GLI2: variants seen among roughly 807,000 people sequenced by gnomAD.
The protein encoded by GLI2 is GLI family zinc finger 2.
A neutral mutation model predicts 78.9 loss-of-function variants in GLI2; 22 were observed. That is an observed-to-expected ratio of 0.28 (90% CI 0.20 to 0.40). The LOEUF (loss-of-function observed/expected upper bound fraction) is 0.40, where lower values mean the gene tolerates loss of function less well. Among genes scored for constraint, GLI2 ranks in the 10% least tolerant of loss-of-function variants. GLI2 has a pLI of 1.00. For missense variants in GLI2, 2,097 were observed against 2,213.2 expected, an observed-to-expected ratio of 0.95 and a Z score of 1.05; for synonymous variants, 974 against 963.7, an observed-to-expected ratio of 1.01 and a Z score of -0.20.
At chr2:120,790,552 G>A (rs899820999) in intron 1 of GLI2, among the ~76,000 whole-genome samples, 4 of 151,966 alleles carry the variant, frequency 2.6e-5, no homozygotes, top group African/African-American at 9.7e-5. Context: ...AGGAGCTTGC[G>A]GTTCCCCTCC....
rs999855800 is a variant in GLI2 at position 120,875,981 on chromosome 2, A to G, written c.149-51380A>G. 3.7e-4 allele frequency among the ~76,000 whole-genome samples: 56 copies of G among 152,344 alleles called. 1 individual carries two copies. The highest frequency in any genetic ancestry group is 1.3e-3 in the African/African-American group (54 of 41,582). ...ATCTTAGGGAAAGAATGGACTGTTC[A>G]GTAGGCAGTGCTGAGACAATTGGTT... On this transcript the variant is annotated intron_variant, in intron 2 of 13. Coordinates refer to ENST00000361492, the MANE Select transcript of GLI2 (RefSeq NM_001374353.1).
chr2:120,893,326 G>GC (rs903464444), intron 2 of GLI2, among the ~76,000 whole-genome samples: 1 of 145,658 alleles, frequency 6.9e-6, no homozygotes, highest in Non-Finnish European at 1.5e-5. Context: ...GCCCCTGCCC[G>GC]CCCCCCAGCC....
intron 2 of GLI2, among the ~76,000 whole-genome samples, chr2:120,912,855 G>A (rs1678897556): frequency 6.6e-6 from 1 of 152,256 alleles, no homozygotes; most frequent in South Asian, 2.1e-4. Context: ...CTGTCGACCA[G>A]CTCTGCGCGG....
At chr2:120,840,824 C>G (rs1041033852) in intron 2 of GLI2, among the ~76,000 whole-genome samples, 4 of 152,150 alleles carry the variant, frequency 2.6e-5, no homozygotes, top group South Asian at 4.1e-4. Flanking sequence ...GATCCCCCTT[C>G]TTGTTTCTCC....
intron 2 of GLI2, among the ~76,000 whole-genome samples, chr2:120,898,983 A>G (rs1678112888): frequency 1.3e-5 from 2 of 152,168 alleles, no homozygotes; most frequent in Non-Finnish European, 2.9e-5. Context: ...CTCCAGACAC[A>G]GAAACGAAAG....
chr2:120,809,437 GTGGTGA>G (rs1656586013), intron 2 of GLI2, among the ~76,000 whole-genome samples: 1 of 152,220 alleles, frequency 6.6e-6, no homozygotes, highest in South Asian at 2.1e-4. Flanking sequence ...TAATTAGATA[GTGGTGA>G]TGGTTGCAAC....
At chr2:120,980,356 G>T (rs1314726869) in intron 10 of GLI2, among the ~76,000 whole-genome samples, 1 of 152,092 alleles carries the variant, frequency 6.6e-6, no homozygotes, top group Non-Finnish European at 1.5e-5. Flanking sequence ...ATTTTATTGT[G>T]TTTTTGATTA....
intron 1 of GLI2, among the ~76,000 whole-genome samples, chr2:120,744,663 A>G (rs1682645823): frequency 6.6e-6 from 1 of 152,226 alleles, no homozygotes; most frequent in African/African-American, 2.4e-5. Context: ...TAACTACCAG[A>G]TTCCTTTAGA....
chr2:120,774,969 C>A (rs1485609853), intron 1 of GLI2, among the ~76,000 whole-genome samples: 1 of 152,208 alleles, frequency 6.6e-6, no homozygotes, highest in African/African-American at 2.4e-5. Context: ...CTCATGCCAG[C>A]CTTAAAATCT....
At chr2:120,757,455 C>A (rs1415661847) in intron 1 of GLI2, among the ~76,000 whole-genome samples, 2 of 152,214 alleles carry the variant, frequency 1.3e-5, no homozygotes, top group Non-Finnish European at 2.9e-5. Context: ...GAGTTCTCTA[C>A]CCAAGGCTGT....
rs759815145 is a variant in GLI2 at position 120,955,309 on chromosome 2, A to C, written c.522A>C (p.Ser174=). 2.0e-5 allele frequency: 33 copies of C among 1,612,916 alleles called. No individual in the cohort carries two copies. The East Asian group carries it at 7.1e-4, about 35-fold the overall frequency. Residue 174 remains serine, a synonymous_variant, in exon 5 of 14, where the codon TCA becomes TCC. Transcript: ENST00000361492. The stretch of plus-strand genomic sequence containing the variant: ...TTCCTGCTCCAGGCACCACCCCCTC[A>C]GACTATTACCACCAGATGACCCTCG... The part of the protein sequence containing the change: ...FGLPAPGTTP[S]DYYHQMTLVA...
In GLI2 at chr2:120,968,808, G is replaced by A. The variant is rs764916572; in HGVS notation, c.738G>A (p.Gln246=). 1.4e-5 allele frequency: 23 copies of A among 1,613,706 alleles called. No homozygotes were observed. In the South Asian group the frequency reaches 2.5e-4, roughly 18 times the overall value. Reference sequence around the variant, plus strand: ...TCTCAGACGCCAGCCTGGACCTGCAGCGGATGATCCGCACCTCACCCAACT... The same window carrying A: ...TCTCAGACGCCAGCCTGGACCTGCAACGGATGATCCGCACCTCACCCAACT... ...SPLSDASLDL[Q]RMIRTSPNSL... The change falls in exon 6 of 14, where the codon CAG becomes CAA. Residue 246 remains glutamine (Q), a synonymous_variant. Transcript: ENST00000361492.
At chr2:120,833,204 A>T (rs761151771) in intron 2 of GLI2, among the ~76,000 whole-genome samples, 1 of 151,336 alleles carries the variant, frequency 6.6e-6, no homozygotes, top group Non-Finnish European at 1.5e-5. Flanking sequence ...GCTTGTGCCT[A>T]AGGCCTCCAG....
In GLI2 at chr2:120,968,787, A is replaced by C; in HGVS notation, c.717A>C (p.Ser239=). The C allele has an allele frequency of 6.2e-7, 1 of 1,613,650 alleles. No individual in the cohort carries two copies. The highest frequency in any genetic ancestry group is 8.5e-7 in the Non-Finnish European group (1 of 1,179,898). The change falls in exon 6 of 14, where the codon TCA becomes TCC. Residue 239 remains serine (S), a synonymous_variant. Coordinates refer to ENST00000361492, the MANE Select transcript of GLI2 (RefSeq NM_001374353.1). ...RKRALSISPL[S]DASLDLQRMI... Reference sequence around the variant, plus strand: ...GGGCGCTGTCCATCTCCCCACTCTCAGACGCCAGCCTGGACCTGCAGCGGA... The same window carrying C: ...GGGCGCTGTCCATCTCCCCACTCTCCGACGCCAGCCTGGACCTGCAGCGGA...
At chr2:120,872,277 T>A (rs962210974) in intron 2 of GLI2, among the ~76,000 whole-genome samples, 1 of 152,180 alleles carries the variant, frequency 6.6e-6, no homozygotes, top group African/African-American at 2.4e-5. Context: ...CCACAGAGAC[T>A]GGACCCAGGT....
At chr2:120,793,604 T>C (rs907076703) in intron 1 of GLI2, among the ~76,000 whole-genome samples, 1 of 152,186 alleles carries the variant, frequency 6.6e-6, no homozygotes, top group African/African-American at 2.4e-5. Flanking sequence ...CTCTGTGTAC[T>C]ATCTTCTTCT....
At chr2:120,867,339 A>G (rs1241590173) in intron 2 of GLI2, 2 of 152,290 alleles carry the variant, frequency 1.3e-5, no homozygotes, top group Non-Finnish European at 2.9e-5. Context: ...GCTGCCCGCC[A>G]GCAGTGTGGC....
chr2:120,842,311 C>T (rs1686924723), intron 2 of GLI2, among the ~76,000 whole-genome samples: 2 of 152,142 alleles, frequency 1.3e-5, no homozygotes, highest in Non-Finnish European at 2.9e-5. Context: ...AATTTACACA[C>T]ATACATACAT....
At position 120,906,364 on chromosome 2, in the gene GLI2, C is replaced by T. The variant is rs1258443613; in HGVS notation, c.149-20997C>T. 2.6e-5 allele frequency among the ~76,000 whole-genome samples: 4 copies of T among 152,292 alleles called. No homozygotes were observed. In the East Asian group the frequency reaches 7.7e-4, roughly 29 times the overall value. On this transcript the variant is annotated intron_variant, in intron 2 of 13. Transcript: ENST00000361492. ...AGACCATGGGGTTCACCCTCTCCTG[C>T]CCTGGACTCCAGGCAGGCTGGAAAG... is the stretch of plus-strand genomic sequence containing the variant.
Sources: allele counts gnomAD v4.1 joint callset (sites outside exome capture counted in the v4.1 genomes callset), GRCh38; gene constraint gnomAD v4.1.1; transcripts MANE v1.5; gene names NCBI Gene and HGNC (gene_info 2026-07-23, HGNC 2026-07-21).